Variants in ROBO2 observed in about 807,000 individuals in gnomAD.
ROBO2 encodes roundabout homolog 2.
Under a neutral mutation model 160.8 loss-of-function variants are expected in ROBO2, and 53 were observed. That is an observed-to-expected ratio of 0.33 (90% confidence interval 0.26 to 0.41). The LOEUF is 0.41. Among genes scored for constraint, ROBO2 ranks in the 10% least tolerant of loss-of-function variants. ROBO2 has a pLI of 1.00. For synonymous variants in ROBO2, 664 were observed against 611.7 expected (o/e 1.09, Z -1.26); for missense variants, 1,577 against 1,722.4 (o/e 0.92, Z 1.49).
chr3:76,609,342 G>T (rs946802133), intron 2 of ROBO2, among the ~76,000 whole-genome samples: 1 of 151,764 alleles, frequency 6.6e-6, no homozygotes, highest in Admixed American at 6.6e-5. Context: ...GGCTATTCTT[G>T]GTCTTTTGTG....
rs1169306288 is a variant in ROBO2, at chr3:77,040,080, T to C, written c.-706T>C. ...CCTCCCTCCCTCCCTCCCTCGCTCC[T>C]TCCCTGCCTCCCTCACCACGTAGGA... On this transcript the variant is annotated 5_prime_UTR_variant, in exon 1 of 26. Coordinates refer to ENST00000461745, the Ensembl canonical transcript of ROBO2. 4.7e-6 allele frequency: 1 copy of C among 213,216 alleles called. No homozygotes were observed. The allele number at this position is 213,216 out of a possible 1,614,324, so 13.2% of individuals were successfully genotyped here. A position where few individuals can be genotyped will look rare whatever the true frequency, so the allele number is the denominator to read the frequency against.
At chr3:77,352,924 A>T (rs1158918384) in intron 2 of ROBO2, among the ~76,000 whole-genome samples, 1 of 152,186 alleles carries the variant, frequency 6.6e-6, no homozygotes, top group East Asian at 1.9e-4. Context: ...TCCATCACAT[A>T]ATCCTTTTAA....
intron 1 of ROBO2, among the ~76,000 whole-genome samples, chr3:77,077,247 T>C (rs2068109201): frequency 6.6e-6 from 1 of 152,164 alleles, no homozygotes; most frequent in Non-Finnish European, 1.5e-5. Flanking sequence ...TGAAATAAAA[T>C]AATCTTGGTA....
intron 2 of ROBO2, among the ~76,000 whole-genome samples, chr3:76,141,159 C>CTATA (rs55778369): frequency 0.012 from 114 of 9,150 alleles, 3 homozygotes; most frequent in East Asian, 0.046. Flanking sequence ...CTCTCTCTCT[C>CTATA]TATATATATA....
At chr3:76,288,856 A>G (rs751986262) in intron 2 of ROBO2, among the ~76,000 whole-genome samples, 2 of 152,174 alleles carry the variant, frequency 1.3e-5, no homozygotes, top group Non-Finnish European at 2.9e-5. Context: ...ATTCTATTGT[A>G]TATCTGTACC....
intron 2 of ROBO2, among the ~76,000 whole-genome samples, chr3:77,143,174 CTTTTTTTTTTTT>C (rs10546673): frequency 5.0e-5 from 3 of 59,684 alleles, no homozygotes; most frequent in African/African-American, 1.3e-4. Context: ...TAAACAGCAG[CTTTTTTTTTTTT>C]TTTTTTTTTT....
intron 2 of ROBO2, among the ~76,000 whole-genome samples, chr3:77,298,943 G>T (rs957858863): frequency 1.3e-5 from 2 of 152,130 alleles, no homozygotes; most frequent in Non-Finnish European, 1.5e-5. Context: ...TCAGTAGCCA[G>T]GACATTTCAG....
chr3:76,601,668 A>G (rs554752778), intron 2 of ROBO2, among the ~76,000 whole-genome samples: 2 of 152,208 alleles, frequency 1.3e-5, no homozygotes, highest in South Asian at 4.1e-4. Context: ...TGGCCAAGGT[A>G]ACCATTTTCT....
At chr3:77,424,058 G>C (rs2077955168) in intron 2 of ROBO2, among the ~76,000 whole-genome samples, 1 of 152,008 alleles carries the variant, frequency 6.6e-6, no homozygotes, top group Admixed American at 6.6e-5. Flanking sequence ...AAAATACCTT[G>C]ATATTGCTCT....
intron 2 of ROBO2, among the ~76,000 whole-genome samples, chr3:77,016,069 C>T (rs1331329528): frequency 6.6e-6 from 1 of 151,986 alleles, no homozygotes; most frequent in Non-Finnish European, 1.5e-5. Flanking sequence ...CTCCGCCTCC[C>T]GGGTTCACGC....
intron 2 of ROBO2, among the ~76,000 whole-genome samples, chr3:76,273,499 T>A (rs1387427440): frequency 6.6e-6 from 1 of 152,194 alleles, no homozygotes; most frequent in Non-Finnish European, 1.5e-5. Flanking sequence ...CTCACAGTTC[T>A]TCATGGCTGG....
intron 2 of ROBO2, among the ~76,000 whole-genome samples, chr3:76,268,504 A>C (rs1351859869): frequency 6.6e-6 from 1 of 152,028 alleles, no homozygotes; most frequent in African/African-American, 2.4e-5. Flanking sequence ...GCAGATGGCC[A>C]CCCTCTTGTT....
chr3:76,505,893 G>A (rs1393202065), intron 2 of ROBO2, among the ~76,000 whole-genome samples: 1 of 152,118 alleles, frequency 6.6e-6, no homozygotes, highest in Non-Finnish European at 1.5e-5. Flanking sequence ...TTTCAGTCCA[G>A]TGAAAGTAAA....
At chr3:77,439,667 G>C (rs1035124813) in intron 2 of ROBO2, among the ~76,000 whole-genome samples, 2 of 152,098 alleles carry the variant, frequency 1.3e-5, no homozygotes, top group Admixed American at 6.6e-5. Context: ...GTATTAAGGA[G>C]TACAAGGCAA....
intron 1 of ROBO2, among the ~76,000 whole-genome samples, chr3:75,925,056 A>C (rs1186421373): frequency 6.6e-6 from 1 of 151,880 alleles, no homozygotes; most frequent in African/African-American, 2.4e-5. Context: ...TAAGTGTTCT[A>C]TTTTGTGAAG....
chr3:75,918,404 G>A (rs1462113724), intron 1 of ROBO2, among the ~76,000 whole-genome samples: 1 of 152,038 alleles, frequency 6.6e-6, no homozygotes, highest in Non-Finnish European at 1.5e-5. Flanking sequence ...TATCTGTTTT[G>A]GTATTAGCAC....
chr3:77,630,853 A>G (rs1299077288), intron 23 of ROBO2: 2 of 151,768 alleles, frequency 1.3e-5, no homozygotes, highest in Admixed American at 1.3e-4. Context: ...AATACAGAAA[A>G]CAGCACAGGG....
intron 2 of ROBO2, among the ~76,000 whole-genome samples, chr3:77,445,222 G>A (rs915626821): frequency 1.3e-5 from 2 of 152,022 alleles, no homozygotes; most frequent in Admixed American, 6.5e-5. Flanking sequence ...CGCTACTAGT[G>A]GAAAGATACA....
intron 2 of ROBO2, among the ~76,000 whole-genome samples, chr3:76,325,322 C>T (rs2072920769): frequency 6.6e-6 from 1 of 152,096 alleles, no homozygotes; most frequent in Admixed American, 6.6e-5. Context: ...AATTATTGTA[C>T]AGTAGATTAA....
Sources: allele counts gnomAD v4.1 joint callset (sites outside exome capture counted in the v4.1 genomes callset), GRCh38; gene constraint gnomAD v4.1.1; transcripts MANE v1.5; gene names NCBI Gene and HGNC (gene_info 2026-07-23, HGNC 2026-07-21).